KLF6: variants seen among roughly 807,000 people sequenced by gnomAD.
KLF6 encodes the protein KLF transcription factor 6.
For missense variants in KLF6, 233 were observed against 359.8 expected (o/e 0.65, Z 2.85); for synonymous variants, 152 against 147.9 (o/e 1.03, Z -0.20).
Position 3,778,611 on chromosome 10 carries a change from C to CAA in KLF6, c.*926_*927dup. 1 of 514,376 alleles carries CAA rather than the reference C, an allele frequency of 1.9e-6. No individual in the cohort carries two copies. The highest frequency in any genetic ancestry group is 3.8e-6 in the Non-Finnish European group (1 of 264,322). The allele number at this position is 514,376 out of a possible 1,614,324, so 31.9% of individuals were successfully genotyped here. A position where few individuals can be genotyped will look rare whatever the true frequency, so the allele number is the denominator to read the frequency against. On this transcript the variant is annotated 3_prime_UTR_variant, in exon 4 of 4. Coordinates refer to ENST00000497571, the MANE Select transcript of KLF6 (RefSeq NM_001300.6). ...ATGCCTTTCTGGAAGGGGAGTGTTA[C>CAA]AAACTTGGAGGGGAAAAAAAATTGT...
In KLF6 at chr10:3,781,258, A is replaced by C. The variant is rs1473302675; in HGVS notation, c.676+383T>G. The C allele has an allele frequency of 8.0e-6, 5 of 627,424 alleles. No individual in the cohort carries two copies. Among genetic ancestry groups the C allele is most frequent in the African/African-American group, 1.8e-5 (1 of 54,388 alleles). 38.9% of individuals were successfully genotyped at this position (627,424 alleles called of 1,614,324 possible). A position where few individuals can be genotyped will look rare whatever the true frequency, so the allele number is the denominator to read the frequency against. On this transcript the variant is annotated intron_variant, in intron 2 of 3. Transcript: ENST00000497571. The surrounding 1 kb of genome is among the most constrained non-coding windows in gnomAD (Gnocchi z 5.8). ...CGCTGCCCAGCAACCCTCTGTCCTG[A>C]CCCTTGAGTTTCATTTAGGAAACCC...
rs532199004 is a variant in KLF6 at position 3,777,140 on chromosome 10, C to T, written c.*2399G>A. The T allele has an allele frequency of 6.6e-4, 330 of 497,446 alleles. 6 individuals carry two copies. The highest frequency in any genetic ancestry group is 4.2e-3 in the South Asian group (263 of 62,454). The allele number at this position is 497,446 out of a possible 1,614,324, so 30.8% of individuals were successfully genotyped here. On this transcript the variant is annotated 3_prime_UTR_variant, in exon 4 of 4. Coordinates refer to ENST00000497571, the MANE Select transcript of KLF6 (RefSeq NM_001300.6). ...TTCATCAGCCCAGATAAAAAAAAAA[C>T]CAGTTATGTGAGCGTTAGTCACTGC...
chr10:3,781,102 G>A lies in KLF6; in HGVS notation c.676+539C>T, dbSNP rs182780858. On this transcript the variant is annotated intron_variant, in intron 2 of 3. Coordinates refer to ENST00000497571, the MANE Select transcript of KLF6 (RefSeq NM_001300.6). This position sits in a 1 kb window ranked among gnomAD's most constrained non-coding sequence, Gnocchi z 5.8. The stretch of plus-strand genomic sequence containing the variant: ...TTTCATTAAGAAACTGTTTCAAGCG[G>A]TATCAGAAACAAAGGCTGCATGAGA... The A allele has an allele frequency of 3.1e-5, 6 of 192,580 alleles. No individual in the cohort carries two copies. Among genetic ancestry groups the A allele is most frequent in the African/African-American group, 1.2e-4 (5 of 42,858 alleles). 11.9% of individuals were successfully genotyped at this position (192,580 alleles called of 1,614,324 possible).
chr10:3,782,301 G>T lies in KLF6; in HGVS notation c.103-87C>A. The T allele has an allele frequency of 9.2e-7, 1 of 1,091,142 alleles. No individual in the cohort carries two copies. Among genetic ancestry groups the T allele is most frequent in the Non-Finnish European group, 1.4e-6 (1 of 727,740 alleles). The allele number at this position is 1,091,142 out of a possible 1,614,324, so 67.6% of individuals were successfully genotyped here. Reference sequence around the variant, plus strand: ...GCAATTTCCAAAAACATGCAAGAATGAAGGACAGATAACATTGCTGCCCGG... The same window carrying T: ...GCAATTTCCAAAAACATGCAAGAATTAAGGACAGATAACATTGCTGCCCGG... On this transcript the variant is annotated intron_variant, in intron 1 of 3. Transcript: ENST00000497571. The surrounding 1 kb of genome is among the most constrained non-coding windows in gnomAD (Gnocchi z 4.3).
chr10:3,778,212 TG>T lies in KLF6; in HGVS notation c.*1326del. 1.9e-6 allele frequency: 1 copy of T among 525,486 alleles called. No individual in the cohort carries two copies. The highest frequency in any genetic ancestry group is 3.7e-6 in the Non-Finnish European group (1 of 270,820). 32.6% of individuals were successfully genotyped at this position (525,486 alleles called of 1,614,324 possible). On this transcript the variant is annotated 3_prime_UTR_variant, in exon 4 of 4. Coordinates refer to ENST00000497571, the MANE Select transcript of KLF6 (RefSeq NM_001300.6). ...TACGTTGATACAGTACACTGCCAGGTGAAACAAGAGCCTTAATAAAGCATGC... is the reference window on the plus strand; with the variant it reads ...TACGTTGATACAGTACACTGCCAGGTAAACAAGAGCCTTAATAAAGCATGC...
rs1415802535 is a variant in KLF6, at chr10:3,777,055, CAAAAG to C, written c.*2479_*2483del. The C allele has an allele frequency of 1.9e-6, 1 of 515,706 alleles. No individual in the cohort carries two copies. The highest frequency in any genetic ancestry group is 3.8e-6 in the Non-Finnish European group (1 of 264,968). 31.9% of individuals were successfully genotyped at this position (515,706 alleles called of 1,614,324 possible). ...ATCAAGTGCTTGGATTCTGAACTGC[CAAAAG>C]AAAACTGCACTTCCCCTCTTAAGTA... On this transcript the variant is annotated 3_prime_UTR_variant, in exon 4 of 4. Transcript: ENST00000497571.
At position 3,781,408 on chromosome 10, in the gene KLF6, T is replaced by C; in HGVS notation, c.676+233A>G. The C allele has an allele frequency of 1.3e-6, 2 of 1,493,492 alleles. No homozygotes were observed. The highest frequency in any genetic ancestry group is 1.8e-6 in the Non-Finnish European group (2 of 1,120,756). The allele number at this position is 1,493,492 out of a possible 1,614,324, so 92.5% of individuals were successfully genotyped here. ...TCCGTGGAGAAAAGGATCTAGTCTC[T>C]TGTTTGTTTAATCTGAAAATTGTTA... On this transcript the variant is annotated intron_variant, in intron 2 of 3. Transcript: ENST00000497571. The surrounding 1 kb of genome is among the most constrained non-coding windows in gnomAD (Gnocchi z 5.8).
intron 1 of KLF6, chr10:3,783,091 T>G (rs1312238196): frequency 6.6e-6 from 1 of 152,244 alleles, no homozygotes; most frequent in African/African-American, 2.4e-5. Flanking sequence ...TCACTCTGAT[T>G]TCTTTCACGC....
In KLF6 at chr10:3,781,401, T is replaced by C. The variant is rs1832516074; in HGVS notation, c.676+240A>G. ...TTGGGTGTCCGTGGAGAAAAGGATC[T>C]AGTCTCTTGTTTGTTTAATCTGAAA... On this transcript the variant is annotated intron_variant, in intron 2 of 3. Coordinates refer to ENST00000497571, the MANE Select transcript of KLF6 (RefSeq NM_001300.6). This position sits in a 1 kb window ranked among gnomAD's most constrained non-coding sequence, Gnocchi z 5.8. 1 of 1,482,060 alleles carries C rather than the reference T, an allele frequency of 6.7e-7. No homozygotes were observed. Among genetic ancestry groups the C allele is most frequent in the Non-Finnish European group, 9.0e-7 (1 of 1,116,424 alleles). The allele number at this position is 1,482,060 out of a possible 1,614,324, so 91.8% of individuals were successfully genotyped here. A position where few individuals can be genotyped will look rare whatever the true frequency, so the allele number is the denominator to read the frequency against.
intron 1 of KLF6, 27 bp downstream of exon 1, chr10:3,784,886 C>A: frequency 6.3e-7 from 1 of 1,588,408 alleles, no homozygotes; most frequent in South Asian, 1.1e-5. Flanking sequence ...CCGGCGCCCG[C>A]AGGGAACCGC....
In KLF6 at chr10:3,776,944, T is replaced by C. The variant is rs948911547; in HGVS notation, c.*2595A>G. The C allele has an allele frequency of 7.8e-6, 4 of 509,808 alleles. No homozygotes were observed. Among genetic ancestry groups the C allele is most frequent in the Admixed American group, 2.4e-5 (1 of 41,578 alleles). The allele number at this position is 509,808 out of a possible 1,614,324, so 31.6% of individuals were successfully genotyped here. A position where few individuals can be genotyped will look rare whatever the true frequency, so the allele number is the denominator to read the frequency against. Reference sequence around the variant, plus strand: ...GTTTTTTTTTTTCCTTTTTTTTTTTTTGTCTTTTGCTTACCTTCTTGCTTA... The same window carrying C: ...GTTTTTTTTTTTCCTTTTTTTTTTTCTGTCTTTTGCTTACCTTCTTGCTTA... On this transcript the variant is annotated 3_prime_UTR_variant, in exon 4 of 4. Coordinates refer to ENST00000497571, the MANE Select transcript of KLF6 (RefSeq NM_001300.6).
chr10:3,776,408 G>A lies in KLF6; in HGVS notation c.*3131C>T, dbSNP rs765351278. 11 of 531,936 alleles carry A rather than the reference G, an allele frequency of 2.1e-5. No homozygotes were observed. Among genetic ancestry groups the A allele is most frequent in the African/African-American group, 1.9e-4 (10 of 53,636 alleles). 33.0% of individuals were successfully genotyped at this position (531,936 alleles called of 1,614,324 possible). ...CTCTCCAGCTCCCAGGACAGGCTGT[G>A]GAAAGAGGAAGGGGCTGAGGTCGGT... On this transcript the variant is annotated 3_prime_UTR_variant, in exon 4 of 4. Transcript: ENST00000497571.
intron 1 of KLF6, among the ~76,000 whole-genome samples, chr10:3,784,532 T>G (rs908521924): frequency 6.7e-6 from 1 of 149,654 alleles, no homozygotes; most frequent in African/African-American, 2.5e-5. Context: ...AAAAAACTGT[T>G]AAGTACAAGC....
Position 3,778,775 on chromosome 10 carries a change from T to C in KLF6, c.*764A>G. ...GTTCCCCAGACCATGCATGACTTTT[T>C]GTATTCTAAGGAAAAGTTAAATTGT... On this transcript the variant is annotated 3_prime_UTR_variant, in exon 4 of 4. Coordinates refer to ENST00000497571, the MANE Select transcript of KLF6 (RefSeq NM_001300.6). The C allele has an allele frequency of 1.9e-6, 1 of 531,460 alleles. No homozygotes were observed. Among genetic ancestry groups the C allele is most frequent in the South Asian group, 1.5e-5 (1 of 65,134 alleles). 32.9% of individuals were successfully genotyped at this position (531,460 alleles called of 1,614,324 possible).
chr10:3,779,100 G>T lies in KLF6; in HGVS notation c.*439C>A, dbSNP rs912606693. 5.6e-6 allele frequency: 3 copies of T among 535,964 alleles called. No individual in the cohort carries two copies. Among genetic ancestry groups the T allele is most frequent in the African/African-American group, 5.6e-5 (3 of 53,742 alleles). 33.2% of individuals were successfully genotyped at this position (535,964 alleles called of 1,614,324 possible). The stretch of plus-strand genomic sequence containing the variant: ...AGACACCCCCTCCCCCCAAGGAAAT[G>T]ATTGGTGGTCATCTCATCTCATGGT... On this transcript the variant is annotated 3_prime_UTR_variant, in exon 4 of 4. Coordinates refer to ENST00000497571, the MANE Select transcript of KLF6 (RefSeq NM_001300.6).
chr10:3,783,704 T>C (rs956296933), intron 1 of KLF6, among the ~76,000 whole-genome samples: 1 of 152,202 alleles, frequency 6.6e-6, no homozygotes, highest in African/African-American at 2.4e-5. Context: ...AAAGCACATT[T>C]ATGGAGATCT....
Position 3,776,706 on chromosome 10 carries a change from A to C in KLF6, c.*2833T>G, listed in dbSNP as rs1237965997. On this transcript the variant is annotated 3_prime_UTR_variant, in exon 4 of 4. Transcript: ENST00000497571. ...CTTTAGATAACAGGGTGCTTCCAAA[A>C]AAAAAAAAAAAAGAAATTTCACTAA... is the stretch of plus-strand genomic sequence containing the variant. 2.2e-6 allele frequency: 1 copy of C among 445,612 alleles called. No homozygotes were observed. Among genetic ancestry groups the C allele is most frequent in the African/African-American group, 2.0e-5 (1 of 49,300 alleles). The allele number at this position is 445,612 out of a possible 1,614,324, so 27.6% of individuals were successfully genotyped here. A position where few individuals can be genotyped will look rare whatever the true frequency, so the allele number is the denominator to read the frequency against.
In KLF6 at chr10:3,781,853, C is replaced by A; in HGVS notation, c.464G>T (p.Ser155Ile). The A allele has an allele frequency of 1.2e-6, 2 of 1,614,254 alleles. No individual in the cohort carries two copies. The highest frequency in any genetic ancestry group is 1.7e-6 in the Non-Finnish European group (2 of 1,180,042). The change falls in exon 2 of 4, where the codon AGC (serine) becomes ATC (isoleucine). Residue 155 changes from serine to isoleucine, a missense_variant. Physicochemically the swap from Ser to Ile is moderately radical, Grantham distance 142. Transcript: ENST00000497571. The surrounding 1 kb of genome is among the most constrained non-coding windows in gnomAD (Gnocchi z 5.8). ...TSTPPSSPEL[S>I]REPSQLWGCV... ...ACCCCACAGTTGAGAAGGTTCCCTG[C>A]TCAGTTCCGGAGAAGATGGAGGCGT...
Position 3,781,258 on chromosome 10 carries a change from A to G in KLF6, c.676+383T>C. 1 of 627,542 alleles carries G rather than the reference A, an allele frequency of 1.6e-6. No individual in the cohort carries two copies. The highest frequency in any genetic ancestry group is 2.6e-6 in the Non-Finnish European group (1 of 380,066). The allele number at this position is 627,542 out of a possible 1,614,324, so 38.9% of individuals were successfully genotyped here. A position where few individuals can be genotyped will look rare whatever the true frequency, so the allele number is the denominator to read the frequency against. ...CGCTGCCCAGCAACCCTCTGTCCTG[A>G]CCCTTGAGTTTCATTTAGGAAACCC... On this transcript the variant is annotated intron_variant, in intron 2 of 3. Coordinates refer to ENST00000497571, the MANE Select transcript of KLF6 (RefSeq NM_001300.6). The surrounding 1 kb of genome is among the most constrained non-coding windows in gnomAD (Gnocchi z 5.8).
Sources: gnomAD v4.1 joint callset for allele counts (sites outside exome capture counted in the v4.1 genomes callset) on GRCh38, gnomAD v4.1.1 for gene constraint, Gnocchi (gnomAD v3.1) non-coding constraint, MANE v1.5 for transcripts, NCBI Gene and HGNC (gene_info 2026-07-23, HGNC 2026-07-21) for gene names.